The following SLCO4A1 variants were observed in gnomAD, a reference collection of about 807,000 sequenced individuals.
The protein encoded by SLCO4A1 is colon organic anion transporter.
A neutral mutation model predicts 64.6 loss-of-function variants in SLCO4A1; 51 were observed. That is an observed-to-expected ratio of 0.79 (90% CI 0.63 to 1.00). SLCO4A1 has a LOEUF of 1.00. SLCO4A1 is among the 50% of genes least tolerant of loss of function. The pLI is 0.00. For synonymous variants in SLCO4A1, 471 were observed against 444.9 expected (o/e 1.06, Z -0.74); for missense variants, 919 against 980.5 (o/e 0.94, Z 0.84).
At chr20:62,668,722 G>C (rs1601675623) in intron 10 of SLCO4A1, among the ~76,000 whole-genome samples, 181 bp downstream of exon 10, 1 of 152,112 alleles carries the variant, frequency 6.6e-6, no homozygotes, top group South Asian at 2.1e-4. Flanking sequence ...TTGCCCAAAG[G>C]CTTTCCCTGG....
intron 11 of SLCO4A1, 72 bp downstream of exon 11, chr20:62,669,150 T>C: frequency 2.0e-6 from 3 of 1,464,068 alleles, no homozygotes; most frequent in Non-Finnish European, 2.8e-6. Flanking sequence ...TGCCGCGATC[T>C]TCCAGCAGCT....
At chr20:62,666,639 G>T in intron 7 of SLCO4A1, 64 bp downstream of exon 7, 2 of 1,395,608 alleles carry the variant, frequency 1.4e-6, no homozygotes, top group South Asian at 2.4e-5. Flanking sequence ...CCTGGGCATG[G>T]AGGAGGAGTG....
In SLCO4A1 at chr20:62,656,732, C is replaced by T. The variant is rs775283350; in HGVS notation, c.278C>T (p.Pro93Leu). ...GCGTGCGGCTGGTGGGCCTTCGCACCGCCGTGCCTGCAGGTCCTCAACACG... is the reference window on the plus strand; with the variant it reads ...GCGTGCGGCTGGTGGGCCTTCGCACTGCCGTGCCTGCAGGTCCTCAACACG... Reference protein sequence around the residue: ...SVACGWWAFAPPCLQVLNTPK... With the variant: ...SVACGWWAFALPCLQVLNTPK... The change falls in exon 2 of 12, where the codon CCG (proline) becomes CTG (leucine). Residue 93 changes from proline to leucine, a missense_variant. Transcript: ENST00000217159. 20 of 1,611,486 alleles carry T rather than the reference C, an allele frequency of 1.2e-5. No homozygotes were observed. The highest frequency in any genetic ancestry group is 2.2e-5 in the East Asian group (1 of 44,848).
intron 5 of SLCO4A1, among the ~76,000 whole-genome samples, chr20:62,662,413 C>CGTGGCTGTGAGCCCCCAGT (rs1985150779): frequency 1.3e-5 from 2 of 152,226 alleles, no homozygotes; most frequent in Admixed American, 6.5e-5. Flanking sequence ...CTGTTCCCAG[C>CGTGGCTGTGAGCCCCCAGT]GTGGCTGTGA....
chr20:62,685,628 C>T lies in SLCO4A1; in HGVS notation n.399C>T, dbSNP rs1483126154. 1 of 195,556 alleles carries T rather than the reference C, an allele frequency of 5.1e-6. No individual in the cohort carries two copies. The highest frequency in any genetic ancestry group is 9.3e-6 in the Non-Finnish European group (1 of 107,576). 12.1% of individuals were successfully genotyped at this position (195,556 alleles called of 1,614,324 possible). A position where few individuals can be genotyped will look rare whatever the true frequency, so the allele number is the denominator to read the frequency against. ...TCCTGGGAGAGAATGCATTTGCTTC[C>T]GATGCCCAGGGCACGAAAGAGGTGG... On this transcript the variant is annotated non_coding_transcript_exon_variant, in exon 3 of 3. Coordinates refer to the SLCO4A1 transcript ENST00000466818. The surrounding 1 kb of genome is among the most constrained non-coding windows in gnomAD (Gnocchi z 4.6).
rs958517872 is a variant in SLCO4A1, at chr20:62,645,547, T to C, written c.-97+2994T>C. Among the ~76,000 whole-genome samples, 1 of 150,082 alleles carries C rather than the reference T, an allele frequency of 6.7e-6. No homozygotes were observed. The highest frequency in any genetic ancestry group is 2.4e-5 in the African/African-American group (1 of 40,866). On this transcript the variant is annotated intron_variant, in intron 1 of 11. Transcript: ENST00000217159. This position sits in a 1 kb window ranked among gnomAD's most constrained non-coding sequence, Gnocchi z 4.2. Reference sequence around the variant, plus strand: ...AGCCTCACCCTCAGTCCTCAGACACTGGGGTCTCCGGCTGTCTCCAACCCT... The same window carrying C: ...AGCCTCACCCTCAGTCCTCAGACACCGGGGTCTCCGGCTGTCTCCAACCCT...
At chr20:62,686,068 C>T (rs1227001309), downstream of SLCO4A1, among the ~76,000 whole-genome samples, 1 of 152,172 alleles carries the variant, frequency 6.6e-6, no homozygotes, top group Admixed American at 6.5e-5. Flanking sequence ...CCGAGAGCCC[C>T]TGCGTCCATT....
chr20:62,653,602 C>G (rs955530438), intron 1 of SLCO4A1, among the ~76,000 whole-genome samples: 1 of 152,224 alleles, frequency 6.6e-6, no homozygotes, highest in Admixed American at 6.5e-5. Flanking sequence ...CGCTCCCACC[C>G]GCCACGCTGA....
intron 3 of SLCO4A1, among the ~76,000 whole-genome samples, chr20:62,659,222 T>C (rs1221434754): frequency 6.6e-6 from 1 of 151,646 alleles, no homozygotes; most frequent in Non-Finnish European, 1.5e-5. Flanking sequence ...GAGATAGAGA[T>C]ACAGAGGGAC....
At chr20:62,689,452 C>T (rs1815082499), downstream of SLCO4A1, among the ~76,000 whole-genome samples, 1 of 152,250 alleles carries the variant, frequency 6.6e-6, no homozygotes, top group Non-Finnish European at 1.5e-5. Flanking sequence ...ATACCAGCTG[C>T]CCGAACGGAC....
intron 2 of SLCO4A1, among the ~76,000 whole-genome samples, chr20:62,680,945 C>T (rs551381872): frequency 3.3e-5 from 5 of 152,186 alleles, no homozygotes; most frequent in Non-Finnish European, 7.4e-5. Context: ...CACTCTGTCA[C>T]CTGGGCTGGA....
At chr20:62,690,186 G>A (rs1362992305), downstream of SLCO4A1, among the ~76,000 whole-genome samples, 1 of 152,166 alleles carries the variant, frequency 6.6e-6, no homozygotes, top group Non-Finnish European at 1.5e-5. Flanking sequence ...CTTCCTGTGT[G>A]TCCTCCCAGT....
intron 1 of SLCO4A1, among the ~76,000 whole-genome samples, chr20:62,655,566 A>G (rs1983529834): frequency 6.6e-6 from 1 of 152,096 alleles, no homozygotes; most frequent in African/African-American, 2.4e-5. Context: ...ATGGTGGGGA[A>G]CAGGGCTGGT....
In SLCO4A1 at chr20:62,665,207, C is replaced by A. The variant is rs530791269; in HGVS notation, c.1276+119C>A. 3.2e-5 allele frequency: 37 copies of A among 1,164,274 alleles called. No individual in the cohort carries two copies. In the South Asian group the frequency reaches 5.3e-4, roughly 17 times the overall value. 72.1% of individuals were successfully genotyped at this position (1,164,274 alleles called of 1,614,324 possible). A position where few individuals can be genotyped will look rare whatever the true frequency, so the allele number is the denominator to read the frequency against. ...CACATGGCAGTGAGTGCCCTCCCAC[C>A]CCCGCTGCCAGAGCAGGTGTGGAGA... On this transcript the variant is annotated intron_variant, in intron 6 of 11. Coordinates refer to ENST00000217159, the MANE Select transcript of SLCO4A1 (RefSeq NM_016354.4).
intron 11 of SLCO4A1, 119 bp downstream of exon 11, chr20:62,669,197 G>A: frequency 9.6e-7 from 1 of 1,043,068 alleles, no homozygotes; most frequent in African/African-American, 1.6e-5. Flanking sequence ...TGTTCCTGCA[G>A]CCAGTTTGTA....
chr20:62,690,386 T>C (rs6011667), downstream of SLCO4A1, among the ~76,000 whole-genome samples: 134,412 of 152,198 alleles, frequency 0.88, 59,394 homozygotes, highest in Admixed American at 0.9. Context: ...GCTCTGACCC[T>C]GCAGCCAAGG....
downstream of SLCO4A1, among the ~76,000 whole-genome samples, chr20:62,689,627 G>A (rs1464802500): frequency 1.3e-5 from 2 of 152,128 alleles, no homozygotes; most frequent in Non-Finnish European, 2.9e-5. Flanking sequence ...TCTCCACCCC[G>A]CATTGAGCCC....
Position 62,657,040 on chromosome 20 carries a change from C to T in SLCO4A1, c.586C>T (p.Arg196Cys), listed in dbSNP as rs151190266. 303 of 1,592,552 alleles carry T rather than the reference C, an allele frequency of 1.9e-4. 1 individual carries two copies. In the East Asian group the frequency reaches 6.5e-3, roughly 34 times the overall value. The change falls in exon 2 of 12, where the codon CGC becomes TGC. Residue 196 changes from arginine to cysteine, a missense_variant. Transcript: ENST00000217159. ...VFALPHFTAG[R>C]YEVELDAGVR... is the part of the protein sequence containing the mutation. The stretch of plus-strand genomic sequence containing the variant: ...CGCGCTGCCCCACTTCACGGCTGGC[C>T]GCTATGAGGTGGAGTTGGACGCGGG...
At chr20:62,686,682 C>T (rs1292671410), downstream of SLCO4A1, among the ~76,000 whole-genome samples, 1 of 152,208 alleles carries the variant, frequency 6.6e-6, no homozygotes, top group African/African-American at 2.4e-5. Context: ...AAGTCTTAGC[C>T]ATGGTTGGCC....
Sources: gnomAD v4.1 joint callset for allele counts (sites outside exome capture counted in the v4.1 genomes callset) on GRCh38, gnomAD v4.1.1 for gene constraint, Gnocchi (gnomAD v3.1) non-coding constraint, MANE v1.5 for transcripts, NCBI Gene and HGNC (gene_info 2026-07-23, HGNC 2026-07-21) for gene names.